TM7SF3: variants seen among roughly 807,000 people sequenced by gnomAD.
The protein encoded by TM7SF3 is transmembrane 7 superfamily member 3, also known as seven span transmembrane protein.
TM7SF3 carries 60 observed loss-of-function variants against 65.5 expected under a neutral mutation model. The observed-to-expected ratio is 0.92, with a 90% CI of 0.74 to 1.14. The LOEUF (loss-of-function observed/expected upper bound fraction) is 1.14, where lower values mean the gene tolerates loss of function less well. Ranked by LOEUF, TM7SF3 falls within the 50% of genes most tolerant of loss-of-function variation. The pLI is 0.00. For synonymous variants in TM7SF3, 264 were observed against 259.6 expected (o/e 1.02, Z -0.16); for missense variants, 623 against 684.8 (o/e 0.91, Z 1.01).
chr12:26,985,983 CTAA>C (rs1223603365), intron 6 of TM7SF3, among the ~76,000 whole-genome samples: 2 of 143,346 alleles, frequency 1.4e-5, no homozygotes, highest in Non-Finnish European at 3.0e-5. Context: ...CCATGCCCGG[CTAA>C]TGTTTTGTAT....
At chr12:27,001,514 T>C (rs958906599) in intron 2 of TM7SF3, among the ~76,000 whole-genome samples, 3 of 152,230 alleles carry the variant, frequency 2.0e-5, no homozygotes, top group Non-Finnish European at 4.4e-5. Flanking sequence ...TGAAATTTTA[T>C]ATTTATATTT....
chr12:26,974,333 T>C, intron 11 of TM7SF3, 106 bp from the exon 12 acceptor site: 1 of 1,250,974 alleles, frequency 8.0e-7, no homozygotes, highest in Non-Finnish European at 1.1e-6. Context: ...TCTAATAGAC[T>C]TTCTGGTGAG....
At chr12:27,000,840 C>A (rs1940802695) in intron 2 of TM7SF3, among the ~76,000 whole-genome samples, 1 of 152,014 alleles carries the variant, frequency 6.6e-6, no homozygotes, top group Non-Finnish European at 1.5e-5. Context: ...TATGCATCAC[C>A]CCAAGTTTCC....
At chr12:26,984,522 C>T (rs1321750896) in intron 6 of TM7SF3, among the ~76,000 whole-genome samples, 1 of 151,152 alleles carries the variant, frequency 6.6e-6, no homozygotes, top group Non-Finnish European at 1.5e-5. Context: ...CTGTGGTTGA[C>T]TATCATTCTA....
At position 26,996,672 on chromosome 12, in the gene TM7SF3, T is replaced by C. The variant is rs1940609675; in HGVS notation, c.518+70A>G. 3 of 1,487,522 alleles carry C rather than the reference T, an allele frequency of 2.0e-6. No homozygotes were observed. The South Asian group carries it at 4.0e-5, about 20-fold the overall frequency. 92.1% of individuals were successfully genotyped at this position (1,487,522 alleles called of 1,614,324 possible). ...CAGAGAATTAGGGACTTGAGAGAGC[T>C]GGTCAAATCTACACAACTGTCGTCA... On this transcript the variant is annotated intron_variant, in intron 4 of 11. Coordinates refer to ENST00000343028, the MANE Select transcript of TM7SF3 (RefSeq NM_016551.3).
At chr12:26,983,786 A>G (rs751138364) in intron 6 of TM7SF3, among the ~76,000 whole-genome samples, 9 of 152,256 alleles carry the variant, frequency 5.9e-5, no homozygotes, top group Non-Finnish European at 2.9e-5. Flanking sequence ...CTTATCAATT[A>G]TACATATTGC....
intron 6 of TM7SF3, among the ~76,000 whole-genome samples, chr12:26,985,621 CAAAAAAAAAAAAAAA>C (rs544145636): frequency 1.9e-3 from 116 of 61,014 alleles, no homozygotes; most frequent in South Asian, 5.9e-3. Flanking sequence ...GTGAGACTGT[CAAAAAAAAAAAAAAA>C]AAAAAAAAAA....
chr12:27,002,915 C>T (rs536062360), intron 2 of TM7SF3, among the ~76,000 whole-genome samples: 4 of 152,234 alleles, frequency 2.6e-5, no homozygotes, highest in Admixed American at 1.3e-4. Context: ...GTTATTAAGG[C>T]CCCACTAAAG....
chr12:27,007,815 T>C (rs1389460045), intron 1 of TM7SF3, among the ~76,000 whole-genome samples: 3 of 152,208 alleles, frequency 2.0e-5, no homozygotes, highest in East Asian at 1.9e-4. Context: ...ACGAATTCAA[T>C]TGAATAGAAT....
chr12:26,982,179 C>G (rs2136387252), intron 7 of TM7SF3, among the ~76,000 whole-genome samples: 1 of 152,152 alleles, frequency 6.6e-6, no homozygotes, highest in Middle Eastern at 3.4e-3. Flanking sequence ...GGACTACAGG[C>G]ACACACCATC....
chr12:26,992,423 CG>C (rs1443831465), intron 5 of TM7SF3, among the ~76,000 whole-genome samples: 2 of 152,018 alleles, frequency 1.3e-5, no homozygotes, highest in Non-Finnish European at 2.9e-5. Context: ...GGACTACAGG[CG>C]CCCGCCACCA....
intron 10 of TM7SF3, 44 bp from the exon 11 acceptor site, chr12:26,975,702 A>G (rs1419448946): frequency 1.3e-6 from 2 of 1,599,800 alleles, no homozygotes; most frequent in Admixed American, 1.7e-5. Context: ...ATGTTAGAAC[A>G]AAAATAGTTT....
intron 1 of TM7SF3, among the ~76,000 whole-genome samples, chr12:27,005,463 T>C (rs1306936502): frequency 6.6e-6 from 1 of 152,220 alleles, no homozygotes; most frequent in Non-Finnish European, 1.5e-5. Context: ...ATTTGCCCTT[T>C]GATATTATTT....
chr12:26,987,690 TAATA>T (rs1441173137), intron 6 of TM7SF3, among the ~76,000 whole-genome samples: 2 of 152,038 alleles, frequency 1.3e-5, no homozygotes, highest in Non-Finnish European at 2.9e-5. Context: ...AACCACCTAG[TAATA>T]AATGTTTCAG....
chr12:27,010,716 G>T (rs866934907), intron 1 of TM7SF3, among the ~76,000 whole-genome samples: 1 of 152,122 alleles, frequency 6.6e-6, no homozygotes, highest in Non-Finnish European at 1.5e-5. Context: ...ATCAAGTTGG[G>T]GCACTTACAT....
intron 4 of TM7SF3, among the ~76,000 whole-genome samples, chr12:26,996,419 T>C (rs1565881025): frequency 6.6e-6 from 1 of 152,172 alleles, no homozygotes; most frequent in African/African-American, 2.4e-5. Flanking sequence ...TGAATCTTTA[T>C]AAAAATAAAA....
intron 1 of TM7SF3, among the ~76,000 whole-genome samples, chr12:27,009,574 G>A (rs568597152): frequency 1.3e-5 from 2 of 151,942 alleles, no homozygotes; most frequent in South Asian, 4.2e-4. Context: ...ATTTCTTAAC[G>A]TTTTGTAGAG....
intron 1 of TM7SF3, among the ~76,000 whole-genome samples, chr12:27,012,203 A>G (rs1941269467): frequency 6.6e-6 from 1 of 152,300 alleles, no homozygotes; most frequent in African/African-American, 2.4e-5. Flanking sequence ...CCTGGGTTCA[A>G]GTCCTATCTG....
chr12:26,982,592 T>G (rs1003863644), intron 7 of TM7SF3, among the ~76,000 whole-genome samples, 181 bp downstream of exon 7: 1 of 152,090 alleles, frequency 6.6e-6, no homozygotes, highest in East Asian at 1.9e-4. Flanking sequence ...TACTCCGCTG[T>G]AGGGAGAATA....
Sources: allele counts gnomAD v4.1 joint callset (sites outside exome capture counted in the v4.1 genomes callset), GRCh38; gene constraint gnomAD v4.1.1; transcripts MANE v1.5; gene names NCBI Gene and HGNC (gene_info 2026-07-23, HGNC 2026-07-21).